CAGE1: variants seen among roughly 807,000 people sequenced by gnomAD.
The protein encoded by CAGE1 is cancer-associated gene 1 protein.
A neutral mutation model predicts 94.9 loss-of-function variants in CAGE1; 66 were observed. That is an observed-to-expected ratio of 0.70 (90% CI 0.57 to 0.85). The LOEUF (loss-of-function observed/expected upper bound fraction) is 0.85. Among genes scored for constraint, CAGE1 ranks in the 40% least tolerant of loss-of-function variants. The probability of loss-of-function intolerance (pLI) is 0.00; values close to 1 mark genes in which losing one functional copy is unlikely to be tolerated. For synonymous variants in CAGE1, 319 were observed against 321.0 expected, an observed-to-expected ratio of 0.99 and a Z score of 0.07; for missense variants, 865 against 950.4, an observed-to-expected ratio of 0.91 and a Z score of 1.18.
rs1561844504 is a variant in CAGE1, at chr6:7,329,899, TA to T, written c.2439-12del. The stretch of plus-strand genomic sequence containing the variant: ...TCTAAGCTTTTTGATCTGTAAGAAA[TA>T]GAAAGAAAATAATGTAAAAAGGAGG... On this transcript the variant is annotated splice_polypyrimidine_tract_variant and intron_variant, in intron 12 of 13. Coordinates refer to ENST00000502583, the MANE Select transcript of CAGE1 (RefSeq NM_001170692.2). The T allele has an allele frequency of 7.4e-7, 1 of 1,343,580 alleles. No individual in the cohort carries two copies. The highest frequency in any genetic ancestry group is 2.0e-5 in the Admixed American group (1 of 51,074). 83.2% of individuals were successfully genotyped at this position (1,343,580 alleles called of 1,614,324 possible). A position where few individuals can be genotyped will look rare whatever the true frequency, so the allele number is the denominator to read the frequency against.
rs112776461 is a variant in CAGE1 at position 7,344,959 on chromosome 6, T to G, written c.2369+10082A>C. On this transcript the variant is annotated intron_variant, in intron 11 of 13. Transcript: ENST00000502583. ...ATTGTAAACGCACCAATCAGCGCCC[T>G]GTCAAAACAGGCCACTCGGCTCTAC... Among the ~76,000 whole-genome samples the G allele has an allele frequency of 1.1e-3, 168 of 152,262 alleles. 1 individual carries two copies. Among genetic ancestry groups the G allele is most frequent in the African/African-American group, 3.9e-3 (164 of 41,546 alleles).
intron 7 of CAGE1, among the ~76,000 whole-genome samples, chr6:7,366,737 C>T (rs766930619): frequency 5.9e-5 from 9 of 152,022 alleles, no homozygotes; most frequent in Non-Finnish European, 1.3e-4. Context: ...GCCTTTCCCT[C>T]GGCTGATTTT....
At chr6:7,376,422 AAATAAATAAAT>A (rs1371216745) in intron 4 of CAGE1, among the ~76,000 whole-genome samples, 1 of 149,574 alleles carries the variant, frequency 6.7e-6, no homozygotes, top group Non-Finnish European at 1.5e-5. Flanking sequence ...ATAAATAAAT[AAATAAATAAAT>A]AAAATAAAAG....
chr6:7,354,123 AT>A, intron 11 of CAGE1, among the ~76,000 whole-genome samples: 1 of 152,278 alleles, frequency 6.6e-6, no homozygotes, highest in African/African-American at 2.4e-5. Flanking sequence ...AAAAATAAAA[AT>A]AACTGAGGCA....
intron 7 of CAGE1, among the ~76,000 whole-genome samples, chr6:7,367,278 A>ATTTTTTTTTTTTTTTTTTTTTTTTT (rs70978961): frequency 3.5e-4 from 39 of 111,190 alleles, no homozygotes; most frequent in African/African-American, 5.3e-4. Context: ...TATTTGGGGG[A>ATTTTTTTTTTTTTTTTTTTTTTTTT]TTTTTTTTTT....
Position 7,373,604 on chromosome 6 carries a change from C to A in CAGE1, c.1215G>T (p.Met405Ile), listed in dbSNP as rs1188671517. The change falls in exon 5 of 14, where the codon ATG becomes ATT. Residue 405 changes from methionine to isoleucine, a missense_variant. By Grantham distance (10) the Met-to-Ile change is conservative (BLOSUM62 1). Coordinates refer to ENST00000502583, the MANE Select transcript of CAGE1 (RefSeq NM_001170692.2). ...TGATCTTCTTAAATTGAAGCTGTAACATTTCCTTGTCATTCCTGGATTCCT... is the reference window on the plus strand; with the variant it reads ...TGATCTTCTTAAATTGAAGCTGTAAAATTTCCTTGTCATTCCTGGATTCCT... ...HLQESRNDKE[M>I]LQLQFKKIKA... is the part of the protein sequence containing the mutation. The A allele has an allele frequency of 3.7e-6, 6 of 1,613,358 alleles. No homozygotes were observed. The African/African-American group carries it at 8.0e-5, about 22-fold the overall frequency.
chr6:7,343,175 C>T (rs1194218589), intron 11 of CAGE1, among the ~76,000 whole-genome samples: 4 of 97,436 alleles, frequency 4.1e-5, no homozygotes, highest in African/African-American at 9.1e-5. Flanking sequence ...GGCGACAGTG[C>T]GAGACTCTGT....
At chr6:7,373,012 T>C (rs1760597149) in intron 5 of CAGE1, 61 bp downstream of exon 5, 1 of 1,187,766 alleles carries the variant, frequency 8.4e-7, no homozygotes, top group Admixed American at 2.5e-5. Context: ...TAAATACGCA[T>C]CACTAGACCA....
intron 12 of CAGE1, among the ~76,000 whole-genome samples, chr6:7,332,062 A>G (rs895339724): frequency 2.0e-5 from 3 of 151,776 alleles, no homozygotes; most frequent in African/African-American, 7.2e-5. Context: ...CTTAATATTA[A>G]TCAATCCTTT....
chr6:7,372,028 C>T (rs548582096), intron 5 of CAGE1, among the ~76,000 whole-genome samples: 3 of 152,316 alleles, frequency 2.0e-5, no homozygotes, highest in East Asian at 3.9e-4. Flanking sequence ...ACAGCTTCTC[C>T]AAACATATTG....
At chr6:7,357,739 AAC>A (rs1301479090) in intron 9 of CAGE1, among the ~76,000 whole-genome samples, 1 of 152,076 alleles carries the variant, frequency 6.6e-6, no homozygotes, top group Non-Finnish European at 1.5e-5. Context: ...CACGATTAAT[AAC>A]ACATATTTAA....
chr6:7,351,950 G>A (rs1207469982), intron 11 of CAGE1, among the ~76,000 whole-genome samples: 2 of 152,100 alleles, frequency 1.3e-5, no homozygotes, highest in East Asian at 3.9e-4. Flanking sequence ...AAAGTTGAAA[G>A]CATTCCCTCT....
At chr6:7,345,089 A>G (rs932071943) in intron 11 of CAGE1, among the ~76,000 whole-genome samples, 11 of 151,896 alleles carry the variant, frequency 7.2e-5, no homozygotes, top group African/African-American at 2.2e-4. Flanking sequence ...TTCACCCTGC[A>G]GTAAATCTTA....
chr6:7,379,448 G>A (rs750412185), intron 3 of CAGE1, among the ~76,000 whole-genome samples: 1 of 152,184 alleles, frequency 6.6e-6, no homozygotes, highest in Non-Finnish European at 1.5e-5. Context: ...CTATTTTACA[G>A]ATAAGGAAAC....
intron 2 of CAGE1, among the ~76,000 whole-genome samples, chr6:7,386,336 A>G (rs921974684): frequency 1.4e-4 from 21 of 152,234 alleles, no homozygotes; most frequent in African/African-American, 3.9e-4. Context: ...TTAGCACAAC[A>G]CTCATGAAGA....
At chr6:7,348,193 C>T (rs1035638310) in intron 11 of CAGE1, among the ~76,000 whole-genome samples, 5 of 152,170 alleles carry the variant, frequency 3.3e-5, no homozygotes, top group Admixed American at 6.5e-5. Context: ...GCCACGTCCA[C>T]GGGAACAGGT....
chr6:7,387,148 C>G lies in CAGE1; in HGVS notation c.26G>C (p.Trp9Ser). 6.4e-7 allele frequency: 1 copy of G among 1,550,888 alleles called. No individual in the cohort carries two copies. Reference sequence around the variant, plus strand: ...ATGTACAGGATCTGAAGGTGATGACCAAAATTTTTGATAGTCCTTGTTCAT... The same window carrying G: ...ATGTACAGGATCTGAAGGTGATGACGAAAATTTTTGATAGTCCTTGTTCAT... MNKDYQKF[W>S]SSPSDPVHFE... Residue 9 changes from tryptophan (W) to serine (S), a missense_variant, in exon 2 of 14, where the codon TGG (tryptophan) becomes TCG (serine). Coordinates refer to ENST00000502583, the MANE Select transcript of CAGE1 (RefSeq NM_001170692.2).
chr6:7,363,381 T>C (rs1409718189), intron 9 of CAGE1, among the ~76,000 whole-genome samples: 1 of 152,244 alleles, frequency 6.6e-6, no homozygotes, highest in Non-Finnish European at 1.5e-5. Context: ...TTATCTAATA[T>C]GCTGAATTCA....
intron 9 of CAGE1, among the ~76,000 whole-genome samples, chr6:7,358,797 G>A (rs1404295774): frequency 6.6e-6 from 1 of 152,168 alleles, no homozygotes; most frequent in African/African-American, 2.4e-5. Flanking sequence ...TTCAGCCTGG[G>A]TGACACAGCA....
Sources: allele counts gnomAD v4.1 joint callset (sites outside exome capture counted in the v4.1 genomes callset), GRCh38; gene constraint gnomAD v4.1.1; transcripts MANE v1.5; gene names NCBI Gene and HGNC (gene_info 2026-07-23, HGNC 2026-07-21).